Variants in ZNF385D observed in about 807,000 individuals in gnomAD.
ZNF385D encodes zinc finger protein 659.
A neutral mutation model predicts 35.8 loss-of-function variants in ZNF385D; 15 were observed. The ratio of observed to expected loss-of-function variants is 0.42; its 90% CI spans 0.28 to 0.64. ZNF385D has a LOEUF of 0.64. Ranked by LOEUF, ZNF385D falls within the 30% of genes least tolerant of loss-of-function variation. The pLI, the probability that ZNF385D is intolerant of heterozygous loss-of-function variation, is 0.23. For missense variants in ZNF385D, 474 were observed against 494.6 expected (o/e 0.96, Z 0.39); for synonymous variants, 212 against 186.8 (o/e 1.13, Z -1.10).
At chr3:22,225,984 C>G (rs1167401712) in intron 2 of ZNF385D, among the ~76,000 whole-genome samples, 5 of 152,140 alleles carry the variant, frequency 3.3e-5, no homozygotes, top group Non-Finnish European at 5.9e-5. Context: ...TCAATCTTAA[C>G]CCATCTCCCA....
intron 4 of ZNF385D, among the ~76,000 whole-genome samples, chr3:21,460,025 T>A (rs1164910955): frequency 6.6e-6 from 1 of 152,146 alleles, no homozygotes; most frequent in African/African-American, 2.4e-5. Context: ...CTAAATCACC[T>A]GTCAAATTTT....
chr3:22,122,274 A>T (rs889186980), intron 3 of ZNF385D, among the ~76,000 whole-genome samples: 3 of 152,130 alleles, frequency 2.0e-5, no homozygotes, highest in African/African-American at 7.2e-5. Flanking sequence ...AAGCATCAGG[A>T]CCTGCATTCG....
intron 2 of ZNF385D, among the ~76,000 whole-genome samples, chr3:22,299,637 A>C (rs1702789182): frequency 6.6e-6 from 1 of 151,856 alleles, no homozygotes; most frequent in South Asian, 2.1e-4. Flanking sequence ...TCAGGATAGA[A>C]AATCAACATA....
chr3:22,295,266 A>G (rs985123122), intron 2 of ZNF385D, among the ~76,000 whole-genome samples: 1 of 152,176 alleles, frequency 6.6e-6, no homozygotes, highest in Non-Finnish European at 1.5e-5. Flanking sequence ...ACATTAGGAC[A>G]TAATTTTTGC....
intron 3 of ZNF385D, among the ~76,000 whole-genome samples, chr3:22,158,633 CTATT>C (rs769996904): frequency 3.3e-4 from 50 of 152,044 alleles, no homozygotes; most frequent in East Asian, 5.8e-4. Flanking sequence ...TTTAAGGAAA[CTATT>C]TAGTGAATTG....
chr3:21,887,170 T>A (rs1030375138), intron 3 of ZNF385D, among the ~76,000 whole-genome samples: 5 of 152,186 alleles, frequency 3.3e-5, no homozygotes, highest in African/African-American at 1.2e-4. Context: ...AGGACTTTAA[T>A]GGATTTCCGT....
At chr3:21,975,648 C>T (rs1370086054) in intron 3 of ZNF385D, among the ~76,000 whole-genome samples, 17 of 147,712 alleles carry the variant, frequency 1.2e-4, no homozygotes, top group Non-Finnish European at 2.2e-4. Flanking sequence ...TATCAAAATA[C>T]CTCATGTGCC....
At chr3:22,237,405 A>G (rs1404050336) in intron 2 of ZNF385D, among the ~76,000 whole-genome samples, 1 of 152,128 alleles carries the variant, frequency 6.6e-6, no homozygotes, top group Non-Finnish European at 1.5e-5. Flanking sequence ...TATTCTAGAT[A>G]CTAGACTCTT....
chr3:21,735,795 G>T (rs1218023200), intron 1 of ZNF385D, among the ~76,000 whole-genome samples: 1 of 152,304 alleles, frequency 6.6e-6, no homozygotes, highest in African/African-American at 2.4e-5. Flanking sequence ...AAAGCTGATT[G>T]GTTGCCTTGT....
intron 3 of ZNF385D, among the ~76,000 whole-genome samples, chr3:22,078,932 G>T (rs972304104): frequency 6.6e-6 from 1 of 151,988 alleles, no homozygotes; most frequent in Non-Finnish European, 1.5e-5. Flanking sequence ...AAAATGTGTG[G>T]AAATTGACCT....
At chr3:21,695,257 G>C (rs1263358294) in intron 1 of ZNF385D, among the ~76,000 whole-genome samples, 1 of 152,200 alleles carries the variant, frequency 6.6e-6, no homozygotes, top group African/African-American at 2.4e-5. Context: ...CTCTTTTAAA[G>C]TAGCTTTCGG....
intron 3 of ZNF385D, among the ~76,000 whole-genome samples, chr3:21,945,952 A>G (rs1701762723): frequency 6.6e-6 from 1 of 152,202 alleles, no homozygotes; most frequent in African/African-American, 2.4e-5. Flanking sequence ...AAAATTAAGA[A>G]ATCAGTTCAC....
chr3:22,252,792 A>C (rs1424765451), intron 2 of ZNF385D, among the ~76,000 whole-genome samples: 2 of 152,092 alleles, frequency 1.3e-5, no homozygotes, highest in African/African-American at 4.8e-5. Flanking sequence ...TGTTTGAATA[A>C]GTTTAACAAG....
rs141386297 is a variant in ZNF385D at position 22,003,823 on chromosome 3, C to A, written c.325+164994G>T. ...CAGAGGCTGCAGTGAGCCAAGATTG[C>A]ACCACTGCACTCCAGCCTGGGCAAC... On this transcript the variant is annotated intron_variant, in intron 3 of 5. Coordinates refer to the ZNF385D transcript ENST00000494108. Among the ~76,000 whole-genome samples the A allele has an allele frequency of 3.6e-3, 539 of 151,468 alleles. 3 individuals are homozygous for A. Among genetic ancestry groups the A allele is most frequent in the African/African-American group, 0.013 (518 of 41,186 alleles).
chr3:22,126,774 T>G (rs998831275), intron 3 of ZNF385D, among the ~76,000 whole-genome samples: 1 of 152,148 alleles, frequency 6.6e-6, no homozygotes, highest in African/African-American at 2.4e-5. Context: ...ATGCTGAAAG[T>G]GGAATGTTGA....
intron 4 of ZNF385D, among the ~76,000 whole-genome samples, chr3:21,492,709 G>T (rs1705524106): frequency 6.6e-6 from 1 of 151,598 alleles, no homozygotes; most frequent in Non-Finnish European, 1.5e-5. Context: ...GATTGAACCT[G>T]GGAGGTAGAT....
intron 3 of ZNF385D, among the ~76,000 whole-genome samples, chr3:21,834,874 C>A (rs1371485273): frequency 6.6e-6 from 1 of 152,092 alleles, no homozygotes; most frequent in African/African-American, 2.4e-5. Flanking sequence ...GAAGAAGGTG[C>A]TTGCTTCTCC....
At chr3:22,119,229 C>A (rs1326181184) in intron 3 of ZNF385D, among the ~76,000 whole-genome samples, 2 of 152,038 alleles carry the variant, frequency 1.3e-5, no homozygotes, top group African/African-American at 4.8e-5. Context: ...TTGTCAGCTA[C>A]TTAACATGGA....
intron 4 of ZNF385D, among the ~76,000 whole-genome samples, chr3:21,484,317 G>A (rs530843324): frequency 2.6e-5 from 4 of 152,188 alleles, no homozygotes; most frequent in African/African-American, 7.2e-5. Flanking sequence ...CTCACTAGAG[G>A]CACAATGTTA....
Sources: allele counts gnomAD v4.1 joint callset (sites outside exome capture counted in the v4.1 genomes callset), GRCh38; gene constraint gnomAD v4.1.1; transcripts MANE v1.5; gene names NCBI Gene and HGNC (gene_info 2026-07-23, HGNC 2026-07-21).